Variants in NSUN2 observed in about 807,000 individuals in gnomAD.
The protein encoded by NSUN2 is NOP2/Sun RNA methyltransferase 2, also known as RNA cytosine C(5)-methyltransferase NSUN2.
Under a neutral mutation model 92.7 loss-of-function variants are expected in NSUN2, and 63 were observed. That is an observed-to-expected ratio of 0.68 (90% CI 0.56 to 0.84). The LOEUF (loss-of-function observed/expected upper bound fraction) is 0.84. Among genes scored for constraint, NSUN2 ranks in the 40% least tolerant of loss-of-function variants. The pLI is 0.00. For missense variants in NSUN2, 989 were observed against 964.9 expected (o/e 1.02, Z -0.33); for synonymous variants, 356 against 348.3 (o/e 1.02, Z -0.25).
Position 6,600,196 on chromosome 5 carries a change from G to A in NSUN2, c.2034C>T (p.Cys678=), listed in dbSNP as rs770100002. Reference sequence around the variant, plus strand: ...GAATGGAGGCCTTTCCCCGCCATCCGCATAAGACGATGGGACACTGCAGAG... The same window carrying A: ...GAATGGAGGCCTTTCCCCGCCATCCACATAAGACGATGGGACACTGCAGAG... ...PDALQCPIVL[C]GWRGKASIRT... The change falls in exon 19 of 19, where the codon TGC becomes TGT. Residue 678 remains cysteine, a synonymous_variant. Coordinates refer to ENST00000264670, the MANE Select transcript of NSUN2 (RefSeq NM_017755.6). The A allele has an allele frequency of 1.5e-5, 24 of 1,613,998 alleles. No homozygotes were observed. The highest frequency in any genetic ancestry group is 6.7e-5 in the African/African-American group (5 of 74,924).
chr5:6,627,248 A>G (rs1045138690), intron 3 of NSUN2, among the ~76,000 whole-genome samples: 6 of 152,272 alleles, frequency 3.9e-5, no homozygotes, highest in Non-Finnish European at 5.9e-5. Flanking sequence ...GCGAAATAGT[A>G]GGTTACATGC....
Position 6,620,055 on chromosome 5 carries a change from T to C in NSUN2, c.815+51A>G, listed in dbSNP as rs760492206. 5.7e-6 allele frequency: 8 copies of C among 1,412,000 alleles called. No homozygotes were observed. The South Asian group carries it at 1.1e-4, about 20-fold the overall frequency. 87.5% of individuals were successfully genotyped at this position (1,412,000 alleles called of 1,614,324 possible). On this transcript the variant is annotated intron_variant, in intron 7 of 18. Transcript: ENST00000264670. ...GCACAACTTCATTTTAGTCTCTATT[T>C]GACTTGATTTCTTTAGTGGATTTGG... is the stretch of plus-strand genomic sequence containing the variant.
chr5:6,633,041 C>T lies in NSUN2; in HGVS notation c.-62G>A. Reference sequence around the variant, plus strand: ...GCCCGCCACGGCCAGAACTCTAGCCCTACACCTCCCGGGACTTCCGGCCGG... The same window carrying T: ...GCCCGCCACGGCCAGAACTCTAGCCTTACACCTCCCGGGACTTCCGGCCGG... On this transcript the variant is annotated 5_prime_UTR_variant, in exon 1 of 19. Transcript: ENST00000264670. 1.5e-6 allele frequency: 2 copies of T among 1,370,408 alleles called. No individual in the cohort carries two copies. Among genetic ancestry groups the T allele is most frequent in the South Asian group, 1.7e-5 (1 of 60,468 alleles). 84.9% of individuals were successfully genotyped at this position (1,370,408 alleles called of 1,614,324 possible). A position where few individuals can be genotyped will look rare whatever the true frequency, so the allele number is the denominator to read the frequency against.
In NSUN2 at chr5:6,616,671, T is replaced by C. The variant is rs202136201; in HGVS notation, c.1021+56A>G. 1.0e-5 allele frequency: 2 copies of C among 200,294 alleles called. 1 individual carries two copies. 12.4% of individuals were successfully genotyped at this position (200,294 alleles called of 1,614,324 possible). A position where few individuals can be genotyped will look rare whatever the true frequency, so the allele number is the denominator to read the frequency against. The stretch of plus-strand genomic sequence containing the variant: ...ACCTCACGTTATGTGTATTGTACCA[T>C]ACACATATGAAAAGCCCCCTATGCT... On this transcript the variant is annotated intron_variant, in intron 9 of 18. Transcript: ENST00000264670.
At chr5:6,603,898 T>C in intron 17 of NSUN2, 1 of 444,132 alleles carries the variant, frequency 2.3e-6, no homozygotes, top group Non-Finnish European at 4.1e-6. Flanking sequence ...CACCACAGGC[T>C]GCTGGGCAGC....
chr5:6,622,003 G>A lies in NSUN2; in HGVS notation c.622+13C>T. ...GGCATTCCTACCATTTTGAACACAA[G>A]TCCAATGCATACCTGGAAAGGGGAC... On this transcript the variant is annotated intron_variant, in intron 6 of 18. Coordinates refer to ENST00000264670, the MANE Select transcript of NSUN2 (RefSeq NM_017755.6). 1.2e-6 allele frequency: 2 copies of A among 1,607,040 alleles called. No individual in the cohort carries two copies. The highest frequency in any genetic ancestry group is 1.1e-5 in the South Asian group (1 of 90,926).
At position 6,632,583 on chromosome 5, in the gene NSUN2, G is replaced by A; in HGVS notation, c.254+16C>T. 5.0e-6 allele frequency: 8 copies of A among 1,612,138 alleles called. No individual in the cohort carries two copies. Among genetic ancestry groups the A allele is most frequent in the Non-Finnish European group, 6.8e-6 (8 of 1,178,822 alleles). On this transcript the variant is annotated intron_variant, in intron 2 of 18. Transcript: ENST00000264670. ...CCTGGCCCCAACTCCCAAAAAATCAGGCACTGCCTCCCTACCTTTTGTAAC... is the reference window on the plus strand; with the variant it reads ...CCTGGCCCCAACTCCCAAAAAATCAAGCACTGCCTCCCTACCTTTTGTAAC...
At chr5:6,610,152 C>T (rs529484800) in intron 11 of NSUN2, among the ~76,000 whole-genome samples, 1 of 152,130 alleles carries the variant, frequency 6.6e-6, no homozygotes, top group South Asian at 2.1e-4. Context: ...TAGCCTCCGC[C>T]TCCTGGGCTC....
intron 3 of NSUN2, among the ~76,000 whole-genome samples, chr5:6,628,605 G>C (rs1014214091): frequency 1.3e-5 from 2 of 152,180 alleles, no homozygotes; most frequent in African/African-American, 2.4e-5. Flanking sequence ...AATATTACAT[G>C]ATCTATTCCT....
At chr5:6,610,465 G>C (rs980304707) in intron 11 of NSUN2, among the ~76,000 whole-genome samples, 1 of 152,122 alleles carries the variant, frequency 6.6e-6, no homozygotes, top group Admixed American at 6.5e-5. Context: ...GAGGTGGGCA[G>C]ATAACCTGAG....
intron 9 of NSUN2, among the ~76,000 whole-genome samples, chr5:6,615,699 G>C (rs1737183629): frequency 6.6e-6 from 1 of 152,204 alleles, no homozygotes; most frequent in South Asian, 2.1e-4. Flanking sequence ...GCAGCAGGTG[G>C]GCACTGCCCA....
At chr5:6,609,787 G>A in intron 12 of NSUN2, 39 bp downstream of exon 12, 3 of 1,501,854 alleles carry the variant, frequency 2.0e-6, no homozygotes. Flanking sequence ...AAATGTACAA[G>A]ATCAAATGTT....
chr5:6,632,957 C>T lies in NSUN2; in HGVS notation c.23G>A (p.Arg8Gln), dbSNP rs747994771. The change falls in exon 1 of 19, where the codon CGG (arginine) becomes CAG (glutamine). Residue 8 changes from arginine to glutamine, a missense_variant. Arg to Gln is a conservative substitution (Grantham distance 43, BLOSUM62 1). This residue lies in a region of NSUN2 where 356 missense variants were observed against 338.6 expected (regional missense o/e 1.05). Coordinates refer to ENST00000264670, the MANE Select transcript of NSUN2 (RefSeq NM_017755.6). ...CGGCCGCTGCTGTTGCTGGAGCCGC[C>T]GACCCCGCGACCGCCGCCCCATAGC... MGRRSRG[R>Q]RLQQQQRPED... The T allele has an allele frequency of 3.5e-5, 52 of 1,492,652 alleles. No homozygotes were observed. Among genetic ancestry groups the T allele is most frequent in the Admixed American group, 2.0e-4 (9 of 45,002 alleles). The allele number at this position is 1,492,652 out of a possible 1,614,324, so 92.5% of individuals were successfully genotyped here.
chr5:6,618,684 T>C lies in NSUN2; in HGVS notation c.816-660A>G, dbSNP rs565889194. Among the ~76,000 whole-genome samples, 6 of 152,334 alleles carry C rather than the reference T, an allele frequency of 3.9e-5. No individual in the cohort carries two copies. In the South Asian group the frequency reaches 1.0e-3, roughly 26 times the overall value. ...ACTAATAGCTAAATTTTTCTTACAA[T>C]CACCGTTAAATTTCTGACTTTCTAC... On this transcript the variant is annotated intron_variant, in intron 7 of 18. Coordinates refer to ENST00000264670, the MANE Select transcript of NSUN2 (RefSeq NM_017755.6).
chr5:6,611,195 C>T (rs753145758), intron 10 of NSUN2, 110 bp from the exon 11 acceptor site: 476 of 1,223,138 alleles, frequency 3.9e-4, no homozygotes, highest in Non-Finnish European at 5.1e-4. Flanking sequence ...GATTCTCATT[C>T]ACTCCAAAGA....
At chr5:6,618,066 G>A (rs759738601) in intron 7 of NSUN2, 42 bp from the exon 8 acceptor site, 3 of 1,375,700 alleles carry the variant, frequency 2.2e-6, no homozygotes, top group Non-Finnish European at 3.1e-6. Flanking sequence ...CCCTACAGGT[G>A]GATGACTGCA....
chr5:6,608,648 T>A (rs1336190478), intron 12 of NSUN2, among the ~76,000 whole-genome samples: 1 of 152,254 alleles, frequency 6.6e-6, no homozygotes, highest in African/African-American at 2.4e-5. Context: ...CCTTTCTATG[T>A]AAGTATTAAC....
Position 6,608,295 on chromosome 5 carries a change from G to C in NSUN2, c.1324-911C>G, listed in dbSNP as rs558197364. ...CTTCTTGTTGAGTCCAGCTCCAAGGGCATGTTCTCCCATCTCTGTTCTACC... is the reference window on the plus strand; with the variant it reads ...CTTCTTGTTGAGTCCAGCTCCAAGGCCATGTTCTCCCATCTCTGTTCTACC... On this transcript the variant is annotated intron_variant, in intron 12 of 18. Transcript: ENST00000264670. 2.1e-4 allele frequency among the ~76,000 whole-genome samples: 32 copies of C among 152,360 alleles called. 1 individual carries two copies. In the South Asian group the frequency reaches 6.6e-3, roughly 32 times the overall value.
intron 9 of NSUN2, 140 bp from the exon 10 acceptor site, chr5:6,611,938 A>G (rs1737010367): frequency 2.8e-6 from 2 of 725,916 alleles, no homozygotes; most frequent in Admixed American, 5.0e-5. Context: ...ACCCGTCGAC[A>G]GAAAGTGGAT....
Sources: gnomAD v4.1 joint callset for allele counts (sites outside exome capture counted in the v4.1 genomes callset) on GRCh38, gnomAD v4.1.1 for gene constraint, gnomAD v4.1.1 regional missense constraint, MANE v1.5 for transcripts, NCBI Gene and HGNC (gene_info 2026-07-23, HGNC 2026-07-21) for gene names.